ESRRB: variants seen among roughly 807,000 people sequenced by gnomAD.
The protein encoded by ESRRB is estrogen related receptor beta, also known as steroid hormone receptor ERR2.
Under a neutral mutation model 46.0 loss-of-function variants are expected in ESRRB, and 16 were observed. That is an observed-to-expected ratio of 0.35 (90% CI 0.24 to 0.53). The LOEUF (loss-of-function observed/expected upper bound fraction) is 0.53. Ranked by LOEUF, ESRRB falls within the 20% of genes least tolerant of loss-of-function variation. The pLI, the probability that ESRRB is intolerant of heterozygous loss-of-function variation, is 0.93. For synonymous variants in ESRRB, 246 were observed against 259.6 expected (o/e 0.95, Z 0.50); for missense variants, 488 against 607.4 (o/e 0.80, Z 2.07).
chr14:76,446,051 G>A (rs947057975), intron 2 of ESRRB, among the ~76,000 whole-genome samples: 2 of 152,168 alleles, frequency 1.3e-5, no homozygotes, highest in Non-Finnish European at 2.9e-5. Context: ...GAGGGAAGAG[G>A]GGGAAGATGG....
chr14:76,347,358 T>C (rs1884263317), intron 1 of ESRRB, among the ~76,000 whole-genome samples: 1 of 152,144 alleles, frequency 6.6e-6, no homozygotes, highest in Non-Finnish European at 1.5e-5. Flanking sequence ...GCTGGTTACA[T>C]GTTCCCTGAG....
chr14:76,435,539 T>C (rs1265743130), intron 1 of ESRRB, among the ~76,000 whole-genome samples: 1 of 152,140 alleles, frequency 6.6e-6, no homozygotes, highest in Non-Finnish European at 1.5e-5. Context: ...ATAATAGTTA[T>C]GGAAATGAGG....
intron 1 of ESRRB, among the ~76,000 whole-genome samples, chr14:76,405,128 C>T (rs1349121037): frequency 1.3e-5 from 2 of 152,010 alleles, no homozygotes; most frequent in East Asian, 3.9e-4. Flanking sequence ...TTAGATAGGG[C>T]CTCTCTCTGT....
intron 1 of ESRRB, among the ~76,000 whole-genome samples, chr14:76,399,695 G>A (rs1213803745): frequency 6.6e-6 from 1 of 152,212 alleles, no homozygotes; most frequent in African/African-American, 2.4e-5. Flanking sequence ...CTGAAAGGCA[G>A]CTCCCAAGAG....
intron 3 of ESRRB, among the ~76,000 whole-genome samples, chr14:76,468,328 C>T (rs1235585336): frequency 1.3e-5 from 2 of 151,946 alleles, no homozygotes; most frequent in African/African-American, 2.4e-5. Context: ...TATTGAGCTA[C>T]AGCCTGAGAA....
chr14:76,326,788 C>T (rs1883935236), intron 1 of ESRRB, among the ~76,000 whole-genome samples: 2 of 152,362 alleles, frequency 1.3e-5, no homozygotes, highest in South Asian at 4.1e-4. Flanking sequence ...ACTTGGCTTT[C>T]TTCTCTGGCT....
chr14:76,382,717 G>T (rs1280972869), intron 1 of ESRRB, among the ~76,000 whole-genome samples: 2 of 152,174 alleles, frequency 1.3e-5, no homozygotes, highest in Non-Finnish European at 2.9e-5. Context: ...AGAATTGTCT[G>T]AGTTTGAGTT....
chr14:76,348,661 C>A (rs141051518), intron 1 of ESRRB, among the ~76,000 whole-genome samples: 5 of 152,266 alleles, frequency 3.3e-5, no homozygotes, highest in Non-Finnish European at 7.4e-5. Context: ...GTCTTTGATT[C>A]TTCTTCTCAA....
At chr14:76,375,525 G>C (rs963708885), upstream of ESRRB, among the ~76,000 whole-genome samples, 1 of 152,182 alleles carries the variant, frequency 6.6e-6, no homozygotes, top group Admixed American at 6.5e-5. Context: ...CATACATTGA[G>C]AGAACGTTTT....
intron 1 of ESRRB, among the ~76,000 whole-genome samples, chr14:76,357,706 G>A (rs959196701): frequency 4.6e-5 from 7 of 152,080 alleles, no homozygotes; most frequent in African/African-American, 1.7e-4. Context: ...TTAGAGCTGG[G>A]GATCTTGCTA....
At position 76,500,134 on chromosome 14, in the gene ESRRB, C is replaced by CAGCCCAGAAGCCCA; in HGVS notation, c.*1676_*1677insAGCCCAGAAGCCCA. 2.9e-6 allele frequency: 4 copies of CAGCCCAGAAGCCCA among 1,377,458 alleles called. No homozygotes were observed. Among genetic ancestry groups the CAGCCCAGAAGCCCA allele is most frequent in the Non-Finnish European group, 3.0e-6 (3 of 1,005,098 alleles). 85.3% of individuals were successfully genotyped at this position (1,377,458 alleles called of 1,614,324 possible). ...CCTTGGCTCTACCCCAGGAACCTCC[C>CAGCCCAGAAGCCCA]GGCCTGGGCTTCTGGGCTGGGACGT... On this transcript the variant is annotated 3_prime_UTR_variant, in exon 7 of 7. Coordinates refer to ENST00000644823, the MANE Select transcript of ESRRB (RefSeq NM_001379180.1).
chr14:76,355,887 C>A (rs1337818041), intron 1 of ESRRB, among the ~76,000 whole-genome samples: 2 of 152,190 alleles, frequency 1.3e-5, no homozygotes, highest in African/African-American at 4.8e-5. Flanking sequence ...TATTCTCTCT[C>A]ACCCCACCCT....
intron 3 of ESRRB, chr14:76,463,445 G>GTTTTTTTTTTTGTTTTTGTTTTTTTT (rs1566599993): frequency 2.6e-5 from 3 of 114,738 alleles, no homozygotes; most frequent in African/African-American, 7.3e-5. Flanking sequence ...ATGCTTCTTT[G>GTTTTTTTTTTTGTTTTTGTTTTTTTT]TTTTTTTTTT....
intron 1 of ESRRB, among the ~76,000 whole-genome samples, chr14:76,364,935 TC>T (rs759919583): frequency 1.3e-5 from 2 of 152,180 alleles, no homozygotes; most frequent in Non-Finnish European, 2.9e-5. Context: ...TCGTGAACTT[TC>T]CTGATCTGTC....
At chr14:76,315,227 C>T (rs1163710793) in intron 1 of ESRRB, among the ~76,000 whole-genome samples, 3 of 151,972 alleles carry the variant, frequency 2.0e-5, no homozygotes, top group Non-Finnish European at 2.9e-5. Context: ...CTGGGGCTTT[C>T]GAGGTCCTCG....
At chr14:76,408,745 G>A (rs1886308923) in intron 1 of ESRRB, among the ~76,000 whole-genome samples, 1 of 152,050 alleles carries the variant, frequency 6.6e-6, no homozygotes, top group South Asian at 2.1e-4. Flanking sequence ...TGAGAAACTG[G>A]CCAGGGAAAG....
chr14:76,328,222 A>G (rs1405069588), intron 1 of ESRRB, among the ~76,000 whole-genome samples: 1 of 152,136 alleles, frequency 6.6e-6, no homozygotes, highest in Non-Finnish European at 1.5e-5. Flanking sequence ...GAGGGTCCTC[A>G]CCTCCTGGGG....
chr14:76,324,963 C>CTTTTTCTTTTTTTTTT (rs1320537747), intron 1 of ESRRB, among the ~76,000 whole-genome samples: 1 of 102,212 alleles, frequency 9.8e-6, no homozygotes, highest in Non-Finnish European at 2.0e-5. Flanking sequence ...TTTTCTTTTT[C>CTTTTTCTTTTTTTTTT]TTTTTTTTTT....
intron 1 of ESRRB, among the ~76,000 whole-genome samples, chr14:76,384,766 A>G (rs1260217274): frequency 6.6e-6 from 1 of 152,094 alleles, no homozygotes; most frequent in Non-Finnish European, 1.5e-5. Flanking sequence ...GGGGGTTATG[A>G]CTTGGCGCAT....
Sources: gnomAD v4.1 joint callset for allele counts (sites outside exome capture counted in the v4.1 genomes callset) on GRCh38, gnomAD v4.1.1 for gene constraint, MANE v1.5 for transcripts, NCBI Gene and HGNC (gene_info 2026-07-23, HGNC 2026-07-21) for gene names.